Variants in SEMA5A observed in about 807,000 individuals in gnomAD.
SEMA5A encodes semaphorin-5A.
In SEMA5A, 55 loss-of-function variants were observed where a neutral mutation model predicts 135.5. The ratio of observed to expected loss-of-function variants is 0.41; its 90% CI spans 0.33 to 0.51. The LOEUF is 0.51. Among genes scored for constraint, SEMA5A ranks in the 20% least tolerant of loss-of-function variants. The pLI is 0.37. For missense variants in SEMA5A, 1,290 were observed against 1,419.9 expected, an observed-to-expected ratio of 0.91 and a Z score of 1.47; for synonymous variants, 580 against 546.5, an observed-to-expected ratio of 1.06 and a Z score of -0.85.
chr5:9,186,189 C>G (rs1007302234), intron 11 of SEMA5A, among the ~76,000 whole-genome samples: 7 of 152,120 alleles, frequency 4.6e-5, no homozygotes, highest in Non-Finnish European at 1.0e-4. Context: ...ATGCCTGGCC[C>G]TGGGTGGATG....
chr5:9,044,597 G>T lies in SEMA5A; in HGVS notation c.2894-13C>A. ...AACATGTTGAACTCTAGGGAGACAT[G>T]AGCAAAGTGATGCCACACTTGAAAA... On this transcript the variant is annotated splice_polypyrimidine_tract_variant and intron_variant, in intron 21 of 22. Transcript: ENST00000382496. The T allele has an allele frequency of 1.2e-6, 2 of 1,609,488 alleles. No homozygotes were observed. The highest frequency in any genetic ancestry group is 1.1e-5 in the South Asian group (1 of 90,906).
rs1561177870 is a variant in SEMA5A at position 9,353,344 on chromosome 5, AAAGGAAAGGG to A, written c.125-15542_125-15533del. Among the ~76,000 whole-genome samples, 32 of 100,926 alleles carry A rather than the reference AAAGGAAAGGG, an allele frequency of 3.2e-4. 2 individuals carry two copies. The highest frequency in any genetic ancestry group is 5.8e-4 in the Non-Finnish European group (26 of 44,470). 66.2% of individuals were successfully genotyped at this position (100,926 alleles called of 152,430 possible). A position where few individuals can be genotyped will look rare whatever the true frequency, so the allele number is the denominator to read the frequency against. ...GAAGGAAAGGAAAGGAAATGAAAGG[AAAGGAAAGGG>A]AAGGAAAGGAAAGGAAAGGAAAGGA... On this transcript the variant is annotated intron_variant, in intron 3 of 22. Transcript: ENST00000382496.
At chr5:9,352,657 T>C (rs554746968) in intron 3 of SEMA5A, among the ~76,000 whole-genome samples, 1 of 152,240 alleles carries the variant, frequency 6.6e-6, no homozygotes, top group Non-Finnish European at 1.5e-5. Flanking sequence ...CAAATAATAT[T>C]GTGAATTTAG....
At position 9,243,302 on chromosome 5, in the gene SEMA5A, C is replaced by T. The variant is rs541231878; in HGVS notation, c.271-5412G>A. Reference sequence around the variant, plus strand: ...TTACAGGGCATCACTGGAACCTCTGCCTCACTCATCGCATGGTGTTCTCCT... The same window carrying T: ...TTACAGGGCATCACTGGAACCTCTGTCTCACTCATCGCATGGTGTTCTCCT... On this transcript the variant is annotated intron_variant, in intron 5 of 22. Transcript: ENST00000382496. Among the ~76,000 whole-genome samples, 5 of 152,302 alleles carry T rather than the reference C, an allele frequency of 3.3e-5. No individual in the cohort carries two copies. In the East Asian group the frequency reaches 9.7e-4, roughly 29 times the overall value.
chr5:9,344,645 G>T (rs995909254), intron 3 of SEMA5A, among the ~76,000 whole-genome samples: 8 of 151,998 alleles, frequency 5.3e-5, no homozygotes, highest in Non-Finnish European at 7.4e-5. Context: ...TCTCAATATT[G>T]GAGAATTTAT....
chr5:9,364,372 C>T (rs964842953), intron 3 of SEMA5A, among the ~76,000 whole-genome samples: 1 of 152,156 alleles, frequency 6.6e-6, no homozygotes, highest in Non-Finnish European at 1.5e-5. Context: ...ATTCCTACTA[C>T]ATATCTATAT....
intron 5 of SEMA5A, among the ~76,000 whole-genome samples, chr5:9,267,087 G>A (rs1333421569): frequency 2.0e-5 from 3 of 152,180 alleles, no homozygotes; most frequent in South Asian, 2.1e-4. Flanking sequence ...TGGATTTCTA[G>A]GTTGCTGGCT....
At chr5:9,241,769 TTATG>T (rs1479233168) in intron 5 of SEMA5A, among the ~76,000 whole-genome samples, 4 of 152,152 alleles carry the variant, frequency 2.6e-5, no homozygotes, top group Admixed American at 1.3e-4. Flanking sequence ...TTGGCTCTTT[TTATG>T]TATGTGTTAC....
At chr5:9,069,428 T>C (rs1737652471) in intron 16 of SEMA5A, among the ~76,000 whole-genome samples, 1 of 152,240 alleles carries the variant, frequency 6.6e-6, no homozygotes, top group Non-Finnish European at 1.5e-5. Context: ...ATTCATGCCT[T>C]GAAAAATCAA....
At chr5:9,294,797 AATTCATTC>A (rs914153852) in intron 5 of SEMA5A, among the ~76,000 whole-genome samples, 1 of 152,058 alleles carries the variant, frequency 6.6e-6, no homozygotes, top group Non-Finnish European at 1.5e-5. Context: ...CTGATTCAAC[AATTCATTC>A]ATTCATTCAT....
chr5:9,110,889 G>A (rs1740203700), intron 15 of SEMA5A, among the ~76,000 whole-genome samples: 1 of 152,260 alleles, frequency 6.6e-6, no homozygotes, highest in Admixed American at 6.5e-5. Flanking sequence ...CCTACACGTA[G>A]TAGGGGAAGG....
At chr5:9,236,883 G>A (rs1237897705) in intron 6 of SEMA5A, among the ~76,000 whole-genome samples, 1 of 152,062 alleles carries the variant, frequency 6.6e-6, no homozygotes, top group Non-Finnish European at 1.5e-5. Flanking sequence ...CAGCGATTCA[G>A]TTAAAGGGCA....
At chr5:9,146,277 C>T (rs1210083999) in intron 12 of SEMA5A, among the ~76,000 whole-genome samples, 2 of 152,134 alleles carry the variant, frequency 1.3e-5, no homozygotes, top group South Asian at 2.1e-4. Context: ...AACAAAAACT[C>T]GGTGCATTTA....
rs1018544800 is a variant in SEMA5A, at chr5:9,035,759, G to T, written c.*7138C>A. The T allele has an allele frequency of 1.3e-5, 2 of 151,934 alleles. No homozygotes were observed. The highest frequency in any genetic ancestry group is 6.6e-5 in the Admixed American group (1 of 15,244). The allele number at this position is 151,934 out of a possible 1,614,324, so 9.4% of individuals were successfully genotyped here. A position where few individuals can be genotyped will look rare whatever the true frequency, so the allele number is the denominator to read the frequency against. On this transcript the variant is annotated 3_prime_UTR_variant, in exon 23 of 23. Coordinates refer to ENST00000382496, the MANE Select transcript of SEMA5A (RefSeq NM_003966.3). The stretch of plus-strand genomic sequence containing the variant: ...GGTGTGTCCATGGCCCCCTTACAAA[G>T]GACCCAGCAATCTACAAGTGTTCTA...
In SEMA5A at chr5:9,154,045, C is replaced by CA. The variant is rs1157417525; in HGVS notation, c.1481+442dup. 6.2e-3 allele frequency among the ~76,000 whole-genome samples: 211 copies of CA among 34,170 alleles called. 10 individuals are homozygous for CA. Among genetic ancestry groups the CA allele is most frequent in the African/African-American group, 8.7e-3 (69 of 7,940 alleles). 22.4% of individuals were successfully genotyped at this position (34,170 alleles called of 152,430 possible). A position where few individuals can be genotyped will look rare whatever the true frequency, so the allele number is the denominator to read the frequency against. ...TGGGTGACAGAGTGAGACTGTGTCTCAAAAAAAAAAAAAAAAAATATATAT... is the reference window on the plus strand; with the variant it reads ...TGGGTGACAGAGTGAGACTGTGTCTCAAAAAAAAAAAAAAAAAAATATATAT... On this transcript the variant is annotated intron_variant, in intron 12 of 22. Coordinates refer to ENST00000382496, the MANE Select transcript of SEMA5A (RefSeq NM_003966.3).
At chr5:9,480,253 AAT>A (rs1264486401) in intron 1 of SEMA5A, among the ~76,000 whole-genome samples, 2 of 152,228 alleles carry the variant, frequency 1.3e-5, no homozygotes, top group African/African-American at 4.8e-5. Context: ...AAAGCAAAAA[AAT>A]ATATTTTTGA....
chr5:9,136,387 CA>C, intron 13 of SEMA5A, 116 bp downstream of exon 13: 1 of 835,444 alleles, frequency 1.2e-6, no homozygotes, highest in Non-Finnish European at 1.9e-6. Context: ...ACTGGGTTTG[CA>C]AAAATGGTTC....
chr5:9,473,555 C>G (rs1759559545), intron 1 of SEMA5A, among the ~76,000 whole-genome samples: 1 of 151,508 alleles, frequency 6.6e-6, no homozygotes, highest in Non-Finnish European at 1.5e-5. Flanking sequence ...CAGGCCAAAC[C>G]TAGGGCTCAA....
chr5:9,281,944 C>G (rs1026946635), intron 5 of SEMA5A, among the ~76,000 whole-genome samples: 11 of 151,468 alleles, frequency 7.3e-5, no homozygotes, highest in African/African-American at 2.2e-4. Context: ...TGTCACGTAG[C>G]TGGGATTACA....
Sources: allele counts gnomAD v4.1 joint callset (sites outside exome capture counted in the v4.1 genomes callset), GRCh38; gene constraint gnomAD v4.1.1; transcripts MANE v1.5; gene names NCBI Gene and HGNC (gene_info 2026-07-23, HGNC 2026-07-21).